The following RSU1 variants were observed in gnomAD, a reference collection of about 807,000 sequenced individuals.
RSU1 encodes Ras suppressor protein 1.
A neutral mutation model predicts 31.1 loss-of-function variants in RSU1; 26 were observed. The ratio of observed to expected loss-of-function variants is 0.84; its 90% CI spans 0.61 to 1.16. The LOEUF (loss-of-function observed/expected upper bound fraction) is 1.16. Among genes scored for constraint, RSU1 ranks in the 50% most tolerant of loss-of-function variants. RSU1 has a pLI of 0.00. For missense variants in RSU1, 320 were observed against 339.1 expected (o/e 0.94, Z 0.44); for synonymous variants, 164 against 136.3 (o/e 1.20, Z -1.41).
At chr10:16,597,499 T>C (rs1300223388) in intron 8 of RSU1, among the ~76,000 whole-genome samples, 1 of 152,176 alleles carries the variant, frequency 6.6e-6, no homozygotes, top group Non-Finnish European at 1.5e-5. Context: ...TCAGCAATGT[T>C]TGCCTCCCTC....
At chr10:16,708,852 CT>C (rs1312742204) in intron 7 of RSU1, among the ~76,000 whole-genome samples, 40 of 149,862 alleles carry the variant, frequency 2.7e-4, no homozygotes, top group Non-Finnish European at 3.1e-4. Flanking sequence ...GAGCTGTTTT[CT>C]TGATTTCTTT....
At chr10:16,747,968 A>G (rs916016731) in intron 7 of RSU1, among the ~76,000 whole-genome samples, 1 of 152,220 alleles carries the variant, frequency 6.6e-6, no homozygotes, top group Non-Finnish European at 1.5e-5. Context: ...TGGGAGACAG[A>G]AGCTGCAGTG....
intron 8 of RSU1, among the ~76,000 whole-genome samples, chr10:16,657,735 G>A (rs1171914779): frequency 3.3e-5 from 5 of 152,140 alleles, no homozygotes; most frequent in Non-Finnish European, 7.4e-5. Context: ...GCTCACGCCC[G>A]TAATCCCAGC....
At chr10:16,712,911 G>C (rs917369897) in intron 7 of RSU1, among the ~76,000 whole-genome samples, 1 of 152,100 alleles carries the variant, frequency 6.6e-6, no homozygotes, top group East Asian at 1.9e-4. Flanking sequence ...CTCAGCCTTT[G>C]CTTGTCTGAA....
intron 3 of RSU1, among the ~76,000 whole-genome samples, chr10:16,780,239 A>C (rs570913240): frequency 4.6e-4 from 70 of 152,346 alleles, no homozygotes; most frequent in South Asian, 1.0e-3. Flanking sequence ...TCAATGAATG[A>C]TATAATAGAA....
At chr10:16,594,747 TAAA>T (rs1207165690) in intron 8 of RSU1, among the ~76,000 whole-genome samples, 1 of 145,548 alleles carries the variant, frequency 6.9e-6, no homozygotes, top group Non-Finnish European at 1.5e-5. Context: ...ATATATCATA[TAAA>T]ATATACTATA....
At chr10:16,734,249 G>A (rs1208705307) in intron 7 of RSU1, among the ~76,000 whole-genome samples, 1 of 152,230 alleles carries the variant, frequency 6.6e-6, no homozygotes, top group Admixed American at 6.5e-5. Flanking sequence ...TACATCCTAT[G>A]ATCTGAAAGA....
chr10:16,796,778 T>C (rs770084580), intron 2 of RSU1, among the ~76,000 whole-genome samples: 5 of 152,046 alleles, frequency 3.3e-5, no homozygotes, highest in Non-Finnish European at 5.9e-5. Flanking sequence ...AAACCCTACA[T>C]CAAAATAGAG....
intron 8 of RSU1, among the ~76,000 whole-genome samples, chr10:16,663,275 G>A (rs192468195): frequency 1.4e-4 from 21 of 152,296 alleles, no homozygotes; most frequent in African/African-American, 4.8e-4. Flanking sequence ...GGAGGAAGAA[G>A]CATGTGTGAT....
intron 3 of RSU1, among the ~76,000 whole-genome samples, chr10:16,774,519 G>A (rs1588526397): frequency 2.0e-5 from 3 of 152,274 alleles, no homozygotes; most frequent in East Asian, 1.9e-4. Context: ...GCAGTGAGCC[G>A]AAATCACGCC....
At chr10:16,692,972 C>CT (rs1835593299) in intron 8 of RSU1, among the ~76,000 whole-genome samples, 2 of 151,670 alleles carry the variant, frequency 1.3e-5, no homozygotes, top group Admixed American at 6.6e-5. Context: ...GTTCTTTTTT[C>CT]TTTTTTTTGG....
intron 7 of RSU1, among the ~76,000 whole-genome samples, chr10:16,729,364 C>T (rs1051454811): frequency 3.3e-5 from 5 of 152,152 alleles, no homozygotes. Flanking sequence ...CTGTGAGTAC[C>T]ATGCTATTGG....
chr10:16,597,429 T>A (rs1005211571), intron 8 of RSU1, among the ~76,000 whole-genome samples: 2 of 152,184 alleles, frequency 1.3e-5, no homozygotes, highest in Non-Finnish European at 2.9e-5. Context: ...CCAGTGGCCC[T>A]GAACTTGCTG....
intron 7 of RSU1, among the ~76,000 whole-genome samples, chr10:16,751,344 T>C (rs928923089): frequency 1.3e-5 from 2 of 152,214 alleles, no homozygotes; most frequent in African/African-American, 4.8e-5. Flanking sequence ...GGTGGATTTT[T>C]AACACTAGCA....
intron 8 of RSU1, among the ~76,000 whole-genome samples, chr10:16,610,600 TC>T (rs1474228001): frequency 6.6e-6 from 1 of 152,148 alleles, no homozygotes; most frequent in Non-Finnish European, 1.5e-5. Context: ...CGTCACTATT[TC>T]CCATCACCCC....
chr10:16,728,157 T>C (rs1836434934), intron 7 of RSU1, among the ~76,000 whole-genome samples: 1 of 152,172 alleles, frequency 6.6e-6, no homozygotes, highest in Non-Finnish European at 1.5e-5. Flanking sequence ...CTTTGGTTGA[T>C]TACTTGGGTA....
At chr10:16,648,290 T>C (rs1182224903) in intron 8 of RSU1, among the ~76,000 whole-genome samples, 5 of 152,158 alleles carry the variant, frequency 3.3e-5, no homozygotes, top group Admixed American at 1.3e-4. Flanking sequence ...CTGAATGAAG[T>C]GTCTTTGAAT....
intron 8 of RSU1, among the ~76,000 whole-genome samples, chr10:16,677,634 T>G (rs141651923): frequency 0.011 from 1,716 of 152,274 alleles, 33 homozygotes; most frequent in African/African-American, 0.04. Context: ...CAAAAATTTA[T>G]AGAGAATATT....
intron 7 of RSU1, among the ~76,000 whole-genome samples, chr10:16,706,817 A>G (rs2131576668): frequency 6.6e-6 from 1 of 152,282 alleles, no homozygotes; most frequent in Non-Finnish European, 1.5e-5. Flanking sequence ...CAGAACATCA[A>G]AATTTATTCC....
Sources: allele counts gnomAD v4.1 joint callset (sites outside exome capture counted in the v4.1 genomes callset), GRCh38; gene constraint gnomAD v4.1.1; transcripts MANE v1.5; gene names NCBI Gene and HGNC (gene_info 2026-07-23, HGNC 2026-07-21).